The following DIS3 variants were observed in gnomAD, a reference collection of about 807,000 sequenced individuals.
The protein encoded by DIS3 is DIS3 exosome endoribonuclease and 3'-5' exoribonuclease.
Under a neutral mutation model 113.0 loss-of-function variants are expected in DIS3, and 103 were observed. The observed-to-expected ratio is 0.91, with a 90% CI of 0.78 to 1.07. The LOEUF is 1.07. Among genes scored for constraint, DIS3 ranks in the 50% least tolerant of loss-of-function variants. DIS3 has a pLI of 0.00. For synonymous variants in DIS3, 402 were observed against 394.3 expected (o/e 1.02, Z -0.23); for missense variants, 1,121 against 1,167.1 (o/e 0.96, Z 0.58).
intron 3 of DIS3, 85 bp downstream of exon 3, chr13:72,778,101 TA>T: frequency 8.5e-7 from 1 of 1,178,446 alleles, no homozygotes; most frequent in Non-Finnish European, 1.1e-6. Context: ...TACTAAATAG[TA>T]AAGTGAACAT....
At position 72,770,916 on chromosome 13, in the gene DIS3, A is replaced by G. The variant is rs749421948; in HGVS notation, c.1743T>C (p.Val581=). The change falls in exon 13 of 21, where the codon GTT becomes GTC. Residue 581 remains valine (V), a synonymous_variant. Transcript: ENST00000377767. The part of the protein sequence containing the change: ...EILKTKFTKS[V]INSKASLTYA... ...CCATGAAACGAACCTTTGAATTAATAACACTTTTGGTAAACTTCGTTTTTA... is the reference window on the plus strand; with the variant it reads ...CCATGAAACGAACCTTTGAATTAATGACACTTTTGGTAAACTTCGTTTTTA... 6.2e-7 allele frequency: 1 copy of G among 1,601,944 alleles called. No homozygotes were observed. The highest frequency in any genetic ancestry group is 2.2e-5 in the East Asian group (1 of 44,602).
chr13:72,757,198 C>T lies in DIS3; in HGVS notation c.*2597G>A, dbSNP rs1373872798. ...AACCTAAGGCCAGTCATGCACTGCC[C>T]TACTTCCCTTTCTTCTCTATTGCAG... On this transcript the variant is annotated 3_prime_UTR_variant, in exon 21 of 21. Transcript: ENST00000377767. The T allele has an allele frequency of 6.6e-6, 1 of 151,816 alleles. No individual in the cohort carries two copies. The highest frequency in any genetic ancestry group is 1.5e-5 in the Non-Finnish European group (1 of 67,980). 9.4% of individuals were successfully genotyped at this position (151,816 alleles called of 1,614,324 possible).
chr13:72,770,664 C>T (rs187999022), intron 13 of DIS3, among the ~76,000 whole-genome samples: 11 of 151,988 alleles, frequency 7.2e-5, no homozygotes, highest in South Asian at 2.1e-4. Flanking sequence ...AGCACGTGCC[C>T]GCAGCTGGGG....
chr13:72,761,990 C>G lies in DIS3; in HGVS notation c.2275G>C (p.Asp759His). 2 of 1,614,130 alleles carry G rather than the reference C, an allele frequency of 1.2e-6. No individual in the cohort carries two copies. The highest frequency in any genetic ancestry group is 1.7e-5 in the Admixed American group (1 of 60,014). ...MQAVYFCSGM[D>H]NDFHHYGLAS... is the part of the protein sequence containing the mutation. The stretch of plus-strand genomic sequence containing the variant: ...AAGCCATAGTGATGAAAATCATTAT[C>G]CATTCCAGAACAGAAGTACACAGCT... The change falls in exon 17 of 21, where the codon GAT becomes CAT. Residue 759 changes from aspartate to histidine, a missense_variant. Transcript: ENST00000377767.
At position 72,756,779 on chromosome 13, in the gene DIS3, C is replaced by T. The variant is rs1211922564; in HGVS notation, c.*3016G>A. 6.6e-6 allele frequency: 1 copy of T among 152,190 alleles called. No homozygotes were observed. The highest frequency in any genetic ancestry group is 1.5e-5 in the Non-Finnish European group (1 of 68,082). The allele number at this position is 152,190 out of a possible 1,614,324, so 9.4% of individuals were successfully genotyped here. A position where few individuals can be genotyped will look rare whatever the true frequency, so the allele number is the denominator to read the frequency against. On this transcript the variant is annotated 3_prime_UTR_variant, in exon 21 of 21. Coordinates refer to ENST00000377767, the MANE Select transcript of DIS3 (RefSeq NM_014953.5). ...TGCCGCCCTGTGAAAAAGGTGCCTG[C>T]TTCTCCTTTTTCTGCCATGATTGTG...
At position 72,753,782 on chromosome 13, in the gene DIS3, A is replaced by G. The variant is rs1258630081; in HGVS notation, c.*6013T>C. The G allele has an allele frequency of 5.0e-6, 8 of 1,613,242 alleles. No homozygotes were observed. Among genetic ancestry groups the G allele is most frequent in the Non-Finnish European group, 6.8e-6 (8 of 1,179,434 alleles). The stretch of plus-strand genomic sequence containing the variant: ...ACTGCAAAGAAAGTGATGCACAAAC[A>G]TGTGAAGTTGAGAGTAAATCTCAAG... On this transcript the variant is annotated 3_prime_UTR_variant, in exon 21 of 21. Coordinates refer to ENST00000377767, the MANE Select transcript of DIS3 (RefSeq NM_014953.5).
chr13:72,763,726 C>T, intron 15 of DIS3, 119 bp from the exon 16 acceptor site: 2 of 953,988 alleles, frequency 2.1e-6, no homozygotes, highest in Non-Finnish European at 3.0e-6. Flanking sequence ...CCTATGTAAA[C>T]ATTCATATGT....
At chr13:72,760,484 ACT>A (rs1475664493) in intron 20 of DIS3, 43 bp downstream of exon 20, 1 of 1,610,924 alleles carries the variant, frequency 6.2e-7, no homozygotes, top group African/African-American at 1.3e-5. Flanking sequence ...CAAAATATGT[ACT>A]GTTTGTTCCA....
At chr13:72,774,314 T>C (rs1353894165) in intron 6 of DIS3, among the ~76,000 whole-genome samples, 1 of 152,086 alleles carries the variant, frequency 6.6e-6, no homozygotes, top group East Asian at 1.9e-4. Context: ...TATAACTGAA[T>C]ACGTATGTTA....
intron 15 of DIS3, among the ~76,000 whole-genome samples, chr13:72,764,431 T>A (rs564060276): frequency 6.6e-6 from 1 of 152,280 alleles, no homozygotes; most frequent in East Asian, 1.9e-4. Context: ...TATAAGTACA[T>A]CCTGCCCTCA....
At chr13:72,781,185 A>T (rs957318160) in intron 1 of DIS3, 182 bp from the exon 2 acceptor site, 47 of 1,446,408 alleles carry the variant, frequency 3.2e-5, no homozygotes, top group Admixed American at 7.9e-5. Context: ...CAGATCTATT[A>T]AAAAAAGCAC....
chr13:72,754,050 T>C lies in DIS3; in HGVS notation c.*5745A>G. 2.5e-6 allele frequency: 1 copy of C among 406,492 alleles called. No homozygotes were observed. The highest frequency in any genetic ancestry group is 4.4e-5 in the East Asian group (1 of 22,580). The allele number at this position is 406,492 out of a possible 1,614,324, so 25.2% of individuals were successfully genotyped here. A position where few individuals can be genotyped will look rare whatever the true frequency, so the allele number is the denominator to read the frequency against. On this transcript the variant is annotated 3_prime_UTR_variant, in exon 21 of 21. Coordinates refer to ENST00000377767, the MANE Select transcript of DIS3 (RefSeq NM_014953.5). Reference sequence around the variant, plus strand: ...AGGTAGCGTGTATTTGATGAGGGCATTTACTGAACCTTCCAGGTGGTGGTT... The same window carrying C: ...AGGTAGCGTGTATTTGATGAGGGCACTTACTGAACCTTCCAGGTGGTGGTT...
Position 72,755,329 on chromosome 13 carries a change from C to CT in DIS3, c.*4465dup, listed in dbSNP as rs2033429249. 6 of 812,892 alleles carry CT rather than the reference C, an allele frequency of 7.4e-6. No individual in the cohort carries two copies. The highest frequency in any genetic ancestry group is 9.8e-6 in the Non-Finnish European group (5 of 508,260). 50.4% of individuals were successfully genotyped at this position (812,892 alleles called of 1,614,324 possible). On this transcript the variant is annotated 3_prime_UTR_variant, in exon 21 of 21. Coordinates refer to ENST00000377767, the MANE Select transcript of DIS3 (RefSeq NM_014953.5). Reference sequence around the variant, plus strand: ...AAATTACTTCAAGTAACATGCTTAGCTTTCCCTCCTTAATGTGAAAAATCA... The same window carrying CT: ...AAATTACTTCAAGTAACATGCTTAGCTTTTCCCTCCTTAATGTGAAAAATCA...
At chr13:72,768,645 A>T in intron 14 of DIS3, 140 bp downstream of exon 14, 1 of 575,428 alleles carries the variant, frequency 1.7e-6, no homozygotes, top group Non-Finnish European at 2.7e-6. Flanking sequence ...CTCCGTTTCA[A>T]ATACATACAT....
At position 72,756,650 on chromosome 13, in the gene DIS3, G is replaced by C. The variant is rs2033482116; in HGVS notation, c.*3145C>G. On this transcript the variant is annotated 3_prime_UTR_variant, in exon 21 of 21. Coordinates refer to ENST00000377767, the MANE Select transcript of DIS3 (RefSeq NM_014953.5). ...CCAGGTGGAGGTAACTGGATCATGG[G>C]GGCGGTTTCCTCCATGCTGTTCCTG... 6.6e-6 allele frequency: 1 copy of C among 152,130 alleles called. No homozygotes were observed. Among genetic ancestry groups the C allele is most frequent in the African/African-American group, 2.4e-5 (1 of 41,406 alleles). The allele number at this position is 152,130 out of a possible 1,614,324, so 9.4% of individuals were successfully genotyped here. A position where few individuals can be genotyped will look rare whatever the true frequency, so the allele number is the denominator to read the frequency against.
intron 4 of DIS3, among the ~76,000 whole-genome samples, chr13:72,777,142 TC>T (rs1423835456): frequency 6.6e-6 from 1 of 152,208 alleles, no homozygotes; most frequent in Non-Finnish European, 1.5e-5. Flanking sequence ...TATTCACAAA[TC>T]AGCCATGGAC....
intron 1 of DIS3, chr13:72,781,337 G>T: frequency 6.4e-7 from 1 of 1,551,134 alleles, no homozygotes; most frequent in Non-Finnish European, 8.7e-7. Flanking sequence ...CCAGGTCCCC[G>T]GCCTCCAGGC....
At chr13:72,779,733 T>C (rs1169606153) in intron 2 of DIS3, among the ~76,000 whole-genome samples, 1 of 146,700 alleles carries the variant, frequency 6.8e-6, no homozygotes. Context: ...GGGCATTTTG[T>C]ATCATTACAA....
At chr13:72,777,228 T>C (rs918122318) in intron 4 of DIS3, among the ~76,000 whole-genome samples, 192 bp downstream of exon 4, 6 of 152,300 alleles carry the variant, frequency 3.9e-5, no homozygotes, top group Admixed American at 3.3e-4. Context: ...AATATATCTA[T>C]TTTAGAAAGT....
Sources: allele counts gnomAD v4.1 joint callset (sites outside exome capture counted in the v4.1 genomes callset), GRCh38; gene constraint gnomAD v4.1.1; transcripts MANE v1.5; gene names NCBI Gene and HGNC (gene_info 2026-07-23, HGNC 2026-07-21).